Variants in ZNF385B observed in about 807,000 individuals in gnomAD.
The protein encoded by ZNF385B is zinc finger protein 533.
Under a neutral mutation model 39.2 loss-of-function variants are expected in ZNF385B, and 23 were observed. The observed-to-expected ratio is 0.59, with a 90% CI of 0.42 to 0.83. The LOEUF is 0.83. Ranked by LOEUF, ZNF385B falls within the 40% of genes least tolerant of loss-of-function variation. ZNF385B has a pLI of 0.00. For synonymous variants in ZNF385B, 205 were observed against 222.6 expected (o/e 0.92, Z 0.70); for missense variants, 552 against 598.9 (o/e 0.92, Z 0.82).
chr2:179,721,517 A>C (rs1210684473), intron 3 of ZNF385B, among the ~76,000 whole-genome samples: 2 of 152,154 alleles, frequency 1.3e-5, no homozygotes, highest in Non-Finnish European at 2.9e-5. Context: ...TCAGCAAAAT[A>C]CAAGAAATTA....
At chr2:179,566,931 T>G (rs75656115) in intron 3 of ZNF385B, among the ~76,000 whole-genome samples, 1 of 149,816 alleles carries the variant, frequency 6.7e-6, no homozygotes, top group Non-Finnish European at 1.5e-5. Context: ...TTTTTTTTTT[T>G]TGAGACGGGG....
chr2:179,643,955 T>C (rs1363553260), intron 3 of ZNF385B, among the ~76,000 whole-genome samples: 1 of 152,112 alleles, frequency 6.6e-6, no homozygotes, highest in Admixed American at 6.6e-5. Context: ...TTAAAAACAT[T>C]CAAAATCCTG....
At chr2:179,768,008 G>A (rs1703806070) in intron 3 of ZNF385B, among the ~76,000 whole-genome samples, 1 of 150,650 alleles carries the variant, frequency 6.6e-6, no homozygotes, top group Non-Finnish European at 1.5e-5. Flanking sequence ...GGAGCACAGT[G>A]GCGTGATCTC....
At chr2:179,469,668 C>T (rs905626560) in intron 6 of ZNF385B, among the ~76,000 whole-genome samples, 9 of 152,046 alleles carry the variant, frequency 5.9e-5, no homozygotes, top group African/African-American at 1.9e-4. Flanking sequence ...TAGAGTCCCT[C>T]CTAATACAGA....
chr2:179,443,478 GGA>G lies in ZNF385B; in HGVS notation c.1243-12_1243-11del. 6.3e-7 allele frequency: 1 copy of G among 1,579,418 alleles called. No individual in the cohort carries two copies. Among genetic ancestry groups the G allele is most frequent in the Non-Finnish European group, 8.6e-7 (1 of 1,161,562 alleles). ...GGAATGCAAGTTTTGCCTAAGGGAG[GGA>G]GAAAACCAGGAATGGGGTGGAGATC... is the stretch of plus-strand genomic sequence containing the variant. On this transcript the variant is annotated splice_polypyrimidine_tract_variant and intron_variant, in intron 9 of 9. Coordinates refer to ENST00000410066, the MANE Select transcript of ZNF385B (RefSeq NM_152520.6).
chr2:179,772,578 A>G (rs1575463360), intron 1 of ZNF385B, among the ~76,000 whole-genome samples: 2 of 152,240 alleles, frequency 1.3e-5, no homozygotes, highest in African/African-American at 4.8e-5. Flanking sequence ...GCAAGATATC[A>G]GAGTCTCAGC....
chr2:179,490,618 T>TA (rs35391425), intron 5 of ZNF385B, among the ~76,000 whole-genome samples: 37,419 of 148,130 alleles, frequency 0.25, 5,203 homozygotes, highest in East Asian at 0.53. Flanking sequence ...TGGAATATAG[T>TA]AAAAAAAAAA....
intron 1 of ZNF385B, among the ~76,000 whole-genome samples, chr2:179,847,347 TAAAAG>T (rs917665341): frequency 6.6e-6 from 1 of 152,148 alleles, no homozygotes; most frequent in African/African-American, 2.4e-5. Context: ...ATTATTGAAT[TAAAAG>T]AAAAGAGAGA....
intron 1 of ZNF385B, among the ~76,000 whole-genome samples, chr2:179,799,222 C>T (rs898015268): frequency 7.2e-5 from 11 of 151,864 alleles, no homozygotes; most frequent in South Asian, 2.1e-4. Context: ...CATAGTCGAA[C>T]GAAAAAGGTG....
intron 3 of ZNF385B, chr2:179,576,021 T>A (rs1300048731): frequency 2.5e-6 from 1 of 406,302 alleles, no homozygotes. Context: ...ACTCCTCTCC[T>A]TGTATTCTTT....
At chr2:179,751,742 A>C (rs1469522876) in intron 3 of ZNF385B, among the ~76,000 whole-genome samples, 1 of 152,002 alleles carries the variant, frequency 6.6e-6, no homozygotes, top group Non-Finnish European at 1.5e-5. Context: ...ATTATGTATA[A>C]CACTCCAACT....
chr2:179,484,464 G>A (rs2105604870), intron 5 of ZNF385B, among the ~76,000 whole-genome samples: 1 of 152,050 alleles, frequency 6.6e-6, no homozygotes, highest in East Asian at 1.9e-4. Context: ...TTTTGTTAGA[G>A]GATTTCTAAA....
At chr2:179,824,405 T>C (rs1393787487) in intron 1 of ZNF385B, among the ~76,000 whole-genome samples, 1 of 152,164 alleles carries the variant, frequency 6.6e-6, no homozygotes, top group African/African-American at 2.4e-5. Context: ...AGTAAATCTT[T>C]GACATTTATC....
At chr2:179,798,123 C>T (rs1705792052) in intron 1 of ZNF385B, among the ~76,000 whole-genome samples, 1 of 151,918 alleles carries the variant, frequency 6.6e-6, no homozygotes, top group Non-Finnish European at 1.5e-5. Context: ...TAACATATCT[C>T]ATGTGTTTCG....
intron 1 of ZNF385B, among the ~76,000 whole-genome samples, chr2:179,792,923 A>G (rs1311576220): frequency 3.9e-5 from 6 of 152,176 alleles, no homozygotes; most frequent in Non-Finnish European, 7.4e-5. Flanking sequence ...TAAAATATAG[A>G]TACCTGCAGT....
At chr2:179,779,962 A>G (rs1461308692) in intron 1 of ZNF385B, among the ~76,000 whole-genome samples, 2 of 152,204 alleles carry the variant, frequency 1.3e-5, no homozygotes, top group Non-Finnish European at 2.9e-5. Flanking sequence ...TATTGATGCC[A>G]GATTCCCATC....
intron 5 of ZNF385B, chr2:179,514,028 T>C (rs1421320072): frequency 6.6e-6 from 1 of 152,250 alleles, no homozygotes; most frequent in Non-Finnish European, 1.5e-5. Flanking sequence ...ATTAGTTTTC[T>C]GTTGCTTTCA....
rs562950014 is a variant in ZNF385B at position 179,860,451 on chromosome 2, C to A, written c.-155+650G>T. Among the ~76,000 whole-genome samples, 42 of 152,272 alleles carry A rather than the reference C, an allele frequency of 2.8e-4. No homozygotes were observed. The South Asian group carries it at 8.5e-3, about 31-fold the overall frequency. ...GGCGAAACAGATGGTCCTCCCCCTCCCCTTCTCCTCGTCCCTTCCGCAGTC... is the reference window on the plus strand; with the variant it reads ...GGCGAAACAGATGGTCCTCCCCCTCACCTTCTCCTCGTCCCTTCCGCAGTC... On this transcript the variant is annotated intron_variant, in intron 1 of 9. Coordinates refer to ENST00000410066, the MANE Select transcript of ZNF385B (RefSeq NM_152520.6).
chr2:179,568,399 T>C (rs1016266970), intron 3 of ZNF385B, among the ~76,000 whole-genome samples: 1 of 152,230 alleles, frequency 6.6e-6, no homozygotes, highest in African/African-American at 2.4e-5. Context: ...ATAAAAACTA[T>C]ATTCCCAGTT....
Sources: gnomAD v4.1 joint callset for allele counts (sites outside exome capture counted in the v4.1 genomes callset) on GRCh38, gnomAD v4.1.1 for gene constraint, MANE v1.5 for transcripts, NCBI Gene and HGNC (gene_info 2026-07-23, HGNC 2026-07-21) for gene names.